The following PCDH15 variants were observed in gnomAD, a reference collection of about 807,000 sequenced individuals.
The protein encoded by PCDH15 is protocadherin-15.
In PCDH15, 129 loss-of-function variants were observed where a neutral mutation model predicts 178.5. The ratio of observed to expected loss-of-function variants is 0.72; its 90% CI spans 0.63 to 0.84. PCDH15 has a LOEUF of 0.84. Ranked by LOEUF, PCDH15 falls within the 40% of genes least tolerant of loss-of-function variation. The probability of loss-of-function intolerance (pLI) is 0.00; values close to 1 mark genes in which losing one functional copy is unlikely to be tolerated. For missense variants in PCDH15, 2,230 were observed against 2,099.9 expected, an observed-to-expected ratio of 1.06 and a Z score of -1.21; for synonymous variants, 800 against 732.0, an observed-to-expected ratio of 1.09 and a Z score of -1.50.
intron 2 of PCDH15, among the ~76,000 whole-genome samples, chr10:55,587,735 C>A (rs981344087): frequency 6.6e-6 from 1 of 152,136 alleles, no homozygotes; most frequent in Admixed American, 6.5e-5. Context: ...TGAAAAGATG[C>A]TTTCTTGACA....
At chr10:54,124,137 A>G (rs1384989627) in intron 15 of PCDH15, among the ~76,000 whole-genome samples, 1 of 152,206 alleles carries the variant, frequency 6.6e-6, no homozygotes, top group Non-Finnish European at 1.5e-5. Context: ...AAACGTGTAC[A>G]TGTACCCTTT....
intron 2 of PCDH15, among the ~76,000 whole-genome samples, chr10:54,981,596 C>T (rs1157503668): frequency 6.6e-6 from 1 of 152,128 alleles, no homozygotes; most frequent in East Asian, 1.9e-4. Context: ...TAAAATTAAA[C>T]TAAACAAAAG....
chr10:54,288,523 T>C (rs983041926), intron 8 of PCDH15, among the ~76,000 whole-genome samples: 3 of 152,070 alleles, frequency 2.0e-5, no homozygotes, highest in African/African-American at 7.2e-5. Context: ...GAATAGTGGG[T>C]GCAGCCCACG....
At position 54,020,319 on chromosome 10, in the gene PCDH15, G is replaced by A. The variant is rs201328768; in HGVS notation, c.2624C>T (p.Ser875Leu). 4.3e-5 allele frequency: 69 copies of A among 1,613,782 alleles called. No homozygotes were observed. Among genetic ancestry groups the A allele is most frequent in the South Asian group, 5.5e-5 (5 of 91,080 alleles). The change falls in exon 20 of 38, where the codon TCG becomes TTG. Residue 875 changes from serine (S) to leucine (L), a missense_variant. Transcript: ENST00000644397. ...CTCATAATCTAAACTCCTTAAAAGC[G>A]ATAGTTCTCCTGTAAATGGATGTAG... The part of the protein sequence containing the change: ...FALHPFTGEL[S>L]LLRSLDYEAF...
intron 1 of PCDH15, among the ~76,000 whole-genome samples, chr10:55,237,691 A>G (rs1350159278): frequency 1.3e-5 from 2 of 152,188 alleles, no homozygotes; most frequent in East Asian, 1.9e-4. Context: ...TTTAAGGGCA[A>G]CCTGATTGGA....
At chr10:54,017,080 G>C (rs2092763782) in intron 20 of PCDH15, among the ~76,000 whole-genome samples, 1 of 152,090 alleles carries the variant, frequency 6.6e-6, no homozygotes, top group African/African-American at 2.4e-5. Flanking sequence ...CTGGAGTACA[G>C]TGCTGTGATC....
chr10:55,308,309 T>C (rs1444509915), intron 1 of PCDH15, among the ~76,000 whole-genome samples: 3 of 152,112 alleles, frequency 2.0e-5, no homozygotes, highest in Non-Finnish European at 4.4e-5. Context: ...GAAAGCAAAC[T>C]AGAGAATGGA....
chr10:54,070,878 C>T (rs752307429), intron 17 of PCDH15, among the ~76,000 whole-genome samples: 2 of 152,092 alleles, frequency 1.3e-5, no homozygotes, highest in East Asian at 1.9e-4. Flanking sequence ...AGGTCTGAGC[C>T]GCGATATCCA....
chr10:54,606,874 A>G (rs2092763078), intron 2 of PCDH15: 1 of 152,168 alleles, frequency 6.6e-6, no homozygotes, highest in East Asian at 1.9e-4. Flanking sequence ...AATTCCTAAC[A>G]GAAGGATGAG....
At chr10:54,824,230 G>T (rs1953091172) in intron 3 of PCDH15, among the ~76,000 whole-genome samples, 1 of 152,044 alleles carries the variant, frequency 6.6e-6, no homozygotes, top group Non-Finnish European at 1.5e-5. Flanking sequence ...TTAAACATGT[G>T]TATAATAAAT....
At chr10:54,670,935 A>C (rs1284886200) in intron 1 of PCDH15, among the ~76,000 whole-genome samples, 1 of 152,104 alleles carries the variant, frequency 6.6e-6, no homozygotes, top group Non-Finnish European at 1.5e-5. Context: ...TTAGGAGATA[A>C]ATAAGTTTTA....
At position 53,959,731 on chromosome 10, in the gene PCDH15, C is replaced by T. The variant is rs982893820; in HGVS notation, c.3122+1G>A. On this transcript the variant is annotated splice_donor_variant, in intron 23 of 37. Transcript: ENST00000644397. LOFTEE classifies it high-confidence loss of function. ...TTTCAAAATCGGACAGAAATCAATA[C>T]CTATATTCCTCCTGTGTGAAGCGTG... is the stretch of plus-strand genomic sequence containing the variant. 1 of 1,605,876 alleles carries T rather than the reference C, an allele frequency of 6.2e-7. No individual in the cohort carries two copies. Among genetic ancestry groups the T allele is most frequent in the Non-Finnish European group, 8.5e-7 (1 of 1,172,664 alleles).
chr10:54,713,272 A>G (rs1033833872), intron 1 of PCDH15, among the ~76,000 whole-genome samples: 1 of 151,986 alleles, frequency 6.6e-6, no homozygotes, highest in African/African-American at 2.4e-5. Context: ...GTTTTTTTAC[A>G]TTTAATAGTC....
rs890755618 is a variant in PCDH15, at chr10:54,059,441, A to T, written c.2220+7316T>A. On this transcript the variant is annotated intron_variant, in intron 18 of 37. Transcript: ENST00000644397. ...ATAACAATAAGTAAATACATAATAC[A>T]TAAAAGAATTTTATATTTTTCCTCT... is the stretch of plus-strand genomic sequence containing the variant. Among the ~76,000 whole-genome samples the T allele has an allele frequency of 2.6e-5, 4 of 152,366 alleles. No individual in the cohort carries two copies. In the South Asian group the frequency reaches 8.3e-4, roughly 32 times the overall value.
intron 18 of PCDH15, among the ~76,000 whole-genome samples, chr10:54,048,321 T>A (rs1290756845): frequency 2.0e-5 from 3 of 152,184 alleles, no homozygotes; most frequent in Admixed American, 1.3e-4. Context: ...AAAAGCTGCA[T>A]AGTTAGCAAA....
intron 3 of PCDH15, among the ~76,000 whole-genome samples, chr10:54,402,616 A>C (rs2135496600): frequency 6.6e-6 from 1 of 152,076 alleles, no homozygotes; most frequent in Admixed American, 6.6e-5. Flanking sequence ...ACAGTTTGGT[A>C]ATTCATGCAA....
chr10:55,329,783 C>CT (rs901296792), intron 2 of PCDH15, among the ~76,000 whole-genome samples: 2 of 151,728 alleles, frequency 1.3e-5, no homozygotes, highest in Non-Finnish European at 1.5e-5. Flanking sequence ...AAACAGATTA[C>CT]TTATACAGAG....
intron 2 of PCDH15, among the ~76,000 whole-genome samples, chr10:55,121,703 A>G (rs1047907925): frequency 1.3e-5 from 2 of 152,074 alleles, no homozygotes; most frequent in Non-Finnish European, 2.9e-5. Flanking sequence ...GACTGGAGAA[A>G]GCCAACTAGA....
At chr10:55,088,985 T>C (rs553228092) in intron 2 of PCDH15, among the ~76,000 whole-genome samples, 4 of 152,274 alleles carry the variant, frequency 2.6e-5, no homozygotes, top group Non-Finnish European at 5.9e-5. Context: ...GAGAAATATA[T>C]ATTCTAGATA....
Sources: gnomAD v4.1 joint callset for allele counts (sites outside exome capture counted in the v4.1 genomes callset) on GRCh38, gnomAD v4.1.1 for gene constraint, MANE v1.5 for transcripts, NCBI Gene and HGNC (gene_info 2026-07-23, HGNC 2026-07-21) for gene names.